CTDP1: variants seen among roughly 807,000 people sequenced by gnomAD.
CTDP1 encodes the protein RNA polymerase II subunit A C-terminal domain phosphatase.
In CTDP1, 47 loss-of-function variants were observed where a neutral mutation model predicts 91.8. The ratio of observed to expected loss-of-function variants is 0.51; its 90% CI spans 0.41 to 0.65. The LOEUF (loss-of-function observed/expected upper bound fraction) is 0.65, where lower values mean the gene tolerates loss of function less well. Ranked by LOEUF, CTDP1 falls within the 30% of genes least tolerant of loss-of-function variation. The pLI is 0.00. For missense variants in CTDP1, 1,272 were observed against 1,373.7 expected (o/e 0.93, Z 1.17); for synonymous variants, 656 against 598.5 (o/e 1.10, Z -1.40).
At chr18:79,715,799 C>T (rs527656032) in intron 8 of CTDP1, among the ~76,000 whole-genome samples, 1 of 152,240 alleles carries the variant, frequency 6.6e-6, no homozygotes, top group Non-Finnish European at 1.5e-5. Flanking sequence ...AAGCCATGGC[C>T]GGGTTGGAAA....
chr18:79,729,832 C>T (rs1053165853), intron 11 of CTDP1, among the ~76,000 whole-genome samples: 3 of 152,202 alleles, frequency 2.0e-5, no homozygotes, highest in Admixed American at 6.5e-5. Context: ...TCATGGGTGG[C>T]GCCTGTGTGG....
intron 1 of CTDP1, chr18:79,681,467 T>C (rs1860915744): frequency 1.0e-6 from 1 of 985,274 alleles, no homozygotes. Context: ...CCTACTGAGG[T>C]TTCATTCTGT....
upstream of CTDP1, chr18:79,678,309 C>CAGCT (rs1161482621): frequency 6.6e-6 from 1 of 152,252 alleles, no homozygotes; most frequent in African/African-American, 2.4e-5. Context: ...GCGCCACAAA[C>CAGCT]AGCTATAAAT....
chr18:79,736,060 C>A (rs1797110660), intron 11 of CTDP1: 1 of 466,678 alleles, frequency 2.1e-6, no homozygotes, highest in Non-Finnish European at 3.9e-6. Flanking sequence ...ACCATAAAAT[C>A]CAACAGTGCA....
chr18:79,707,073 T>C (rs1004308155), intron 5 of CTDP1, among the ~76,000 whole-genome samples: 1 of 152,224 alleles, frequency 6.6e-6, no homozygotes, highest in Non-Finnish European at 1.5e-5. Context: ...GGTGCATCGA[T>C]GTTTGCTGGT....
Position 79,680,209 on chromosome 18 carries a change from G to A in CTDP1, c.262G>A (p.Ala88Thr). 1 of 1,374,786 alleles carries A rather than the reference G, an allele frequency of 7.3e-7. No individual in the cohort carries two copies. The allele number at this position is 1,374,786 out of a possible 1,614,324, so 85.2% of individuals were successfully genotyped here. The change falls in exon 1 of 13, where the codon GCG becomes ACG. Residue 88 changes from alanine (A) to threonine (T), a missense_variant. Ala to Thr is a moderately conservative substitution (Grantham distance 58, BLOSUM62 0). Coordinates refer to ENST00000613122, the MANE Select transcript of CTDP1 (RefSeq NM_004715.5). ...RPERRLRSERAGVVRELCAQP... is the reference protein window; with the variant it reads ...RPERRLRSERTGVVRELCAQP... ...GGAACGCAGGCTGAGGTCGGAGCGC[G>A]CGGGCGTGGTGCGGGAGCTGTGCGC...
chr18:79,735,402 G>T (rs559584170), intron 11 of CTDP1, among the ~76,000 whole-genome samples: 4 of 152,246 alleles, frequency 2.6e-5, no homozygotes, highest in Non-Finnish European at 5.9e-5. Context: ...CCTCAACGTC[G>T]GAGAGCTGTG....
chr18:79,698,032 G>A (rs564525321), intron 4 of CTDP1, 44 bp downstream of exon 4: 2 of 1,611,978 alleles, frequency 1.2e-6, no homozygotes, highest in East Asian at 4.5e-5. Context: ...AGGAACCGCG[G>A]GTCCTAGAAT....
intron 4 of CTDP1, among the ~76,000 whole-genome samples, chr18:79,698,719 T>C (rs748785976): frequency 1.3e-5 from 2 of 152,204 alleles, no homozygotes; most frequent in Non-Finnish European, 2.9e-5. Context: ...ATGTGGACTC[T>C]GGCGTTAGAT....
intron 10 of CTDP1, among the ~76,000 whole-genome samples, chr18:79,718,823 C>T (rs1239531644): frequency 2.0e-5 from 3 of 152,166 alleles, no homozygotes; most frequent in Admixed American, 2.0e-4. Flanking sequence ...GCGTTTGCCC[C>T]TGGAAGCCGT....
At chr18:79,690,321 G>A (rs1464396471) in intron 1 of CTDP1, among the ~76,000 whole-genome samples, 4 of 152,170 alleles carry the variant, frequency 2.6e-5, no homozygotes, top group Non-Finnish European at 4.4e-5. Flanking sequence ...TACTATACTT[G>A]TGTATTTTGA....
At chr18:79,736,814 G>A (rs1423454874) in intron 12 of CTDP1, among the ~76,000 whole-genome samples, 1 of 151,692 alleles carries the variant, frequency 6.6e-6, no homozygotes, top group East Asian at 1.9e-4. Context: ...CGTGTGGTGG[G>A]GGTATGCACG....
At chr18:79,727,544 G>A (rs72976137) in intron 10 of CTDP1, among the ~76,000 whole-genome samples, 18,185 of 152,248 alleles carry the variant, frequency 0.12, 1,520 homozygotes, top group Non-Finnish European at 0.19. Context: ...ACAGAGGGCC[G>A]CCGTGAAGAG....
At chr18:79,731,065 AC>A (rs538663719) in intron 11 of CTDP1, among the ~76,000 whole-genome samples, 3 of 151,496 alleles carry the variant, frequency 2.0e-5, no homozygotes, top group African/African-American at 4.9e-5. Flanking sequence ...CATTGCCTGC[AC>A]CCCCCCGTGG....
At chr18:79,724,942 G>C (rs1353132278) in intron 10 of CTDP1, among the ~76,000 whole-genome samples, 1 of 152,172 alleles carries the variant, frequency 6.6e-6, no homozygotes, top group African/African-American at 2.4e-5. Context: ...TGTGTGGTCT[G>C]TTTCTGGGTT....
intron 5 of CTDP1, among the ~76,000 whole-genome samples, chr18:79,708,681 A>T (rs369820021): frequency 2.6e-5 from 4 of 152,318 alleles, no homozygotes; most frequent in East Asian, 3.9e-4. Context: ...TGCATAACTA[A>T]CGGTTATGCA....
intron 1 of CTDP1, among the ~76,000 whole-genome samples, chr18:79,692,110 A>G (rs537669853): frequency 6.7e-3 from 95 of 14,184 alleles, no homozygotes; most frequent in Admixed American, 0.016. Flanking sequence ...TCGGGGTGGG[A>G]GAAGAGTGGA....
rs200457218 is a variant in CTDP1, at chr18:79,715,122, G to A, written c.1662G>A (p.Ala554=). 42 of 1,613,472 alleles carry A rather than the reference G, an allele frequency of 2.6e-5. No individual in the cohort carries two copies. Among genetic ancestry groups the A allele is most frequent in the Middle Eastern group, 1.6e-4 (1 of 6,062 alleles). The stretch of plus-strand genomic sequence containing the variant: ...ACGGCTGTGCCGACAGGAAGGAGGC[G>A]GAGACCGAGTCACAGAACAGCGAGC... ...LGNGCADRKE[A]ETESQNSELS... The change falls in exon 8 of 13, where the codon GCG becomes GCA. Residue 554 remains alanine (A), a synonymous_variant. Transcript: ENST00000613122.
rs529026042 is a variant in CTDP1, at chr18:79,728,766, G to A, written c.2418-141G>A. ...ATTAACCTCTGAAAAGTGTATTGGC[G>A]AAACATCACGTTTTTCATACGTGTT... On this transcript the variant is annotated intron_variant, in intron 10 of 12. Transcript: ENST00000613122. 236 of 1,090,672 alleles carry A rather than the reference G, an allele frequency of 2.2e-4. 1 individual carries two copies. Among genetic ancestry groups the A allele is most frequent in the African/African-American group, 5.6e-4 (36 of 64,534 alleles). The allele number at this position is 1,090,672 out of a possible 1,614,324, so 67.6% of individuals were successfully genotyped here. A position where few individuals can be genotyped will look rare whatever the true frequency, so the allele number is the denominator to read the frequency against.
Sources: allele counts gnomAD v4.1 joint callset (sites outside exome capture counted in the v4.1 genomes callset), GRCh38; gene constraint gnomAD v4.1.1; transcripts MANE v1.5; gene names NCBI Gene and HGNC (gene_info 2026-07-23, HGNC 2026-07-21).